The following UMODL1 variants were observed in gnomAD, a reference collection of about 807,000 sequenced individuals.
UMODL1 encodes the protein uromodulin like 1, also known as uromodulin-like 1.
A neutral mutation model predicts 136.3 loss-of-function variants in UMODL1; 128 were observed. The observed-to-expected ratio is 0.94, with a 90% CI of 0.81 to 1.09. The LOEUF (loss-of-function observed/expected upper bound fraction) is 1.09, where lower values mean the gene tolerates loss of function less well. Among genes scored for constraint, UMODL1 ranks in the 50% least tolerant of loss-of-function variants. The probability of loss-of-function intolerance (pLI) is 0.00; values close to 1 mark genes in which losing one functional copy is unlikely to be tolerated. For synonymous variants in UMODL1, 721 were observed against 720.0 expected (o/e 1.00, Z -0.02); for missense variants, 1,766 against 1,725.6 (o/e 1.02, Z -0.41).
In UMODL1 at chr21:42,099,187, C is replaced by T. The variant is rs914402621; in HGVS notation, c.1186+7C>T. ...ACGCTGACCATCAAAACCAGTAAGG[C>T]CCCCAGTCAGAGACCCACGTTAGCT... On this transcript the variant is annotated splice_region_variant and intron_variant, in intron 7 of 22. Coordinates refer to ENST00000408910, the MANE Select transcript of UMODL1 (RefSeq NM_001004416.3). This position sits in a 1 kb window ranked among gnomAD's most constrained non-coding sequence, Gnocchi z 4.1. 6.2e-7 allele frequency: 1 copy of T among 1,609,274 alleles called. No individual in the cohort carries two copies. The highest frequency in any genetic ancestry group is 8.5e-7 in the Non-Finnish European group (1 of 1,177,456).
intron 10 of UMODL1, 85 bp from the exon 11 acceptor site, chr21:42,110,795 G>A: frequency 7.5e-7 from 1 of 1,334,622 alleles, no homozygotes. Context: ...GAGCAGTCCT[G>A]CTGGACGGCC....
At position 42,083,963 on chromosome 21, in the gene UMODL1, G is replaced by A. The variant is rs768407158; in HGVS notation, c.320-121G>A. 1.5e-5 allele frequency: 19 copies of A among 1,283,884 alleles called. No individual in the cohort carries two copies. In the Admixed American group the frequency reaches 2.6e-4, roughly 18 times the overall value. 79.5% of individuals were successfully genotyped at this position (1,283,884 alleles called of 1,614,324 possible). ...CTGCCCAGGCATGGGGATGGGCCCC[G>A]AACAGGCCACAGACCTACAGGCAGA... On this transcript the variant is annotated intron_variant, in intron 2 of 22. Coordinates refer to ENST00000408910, the MANE Select transcript of UMODL1 (RefSeq NM_001004416.3).
chr21:42,141,945 A>C (rs979074744), intron 22 of UMODL1, among the ~76,000 whole-genome samples, 151 bp from the exon 23 acceptor site: 2 of 152,138 alleles, frequency 1.3e-5, no homozygotes, highest in African/African-American at 2.4e-5. Context: ...CTGCCTTTTC[A>C]TTAGGGGCTT....
Position 42,109,712 on chromosome 21 carries a change from C to T in UMODL1, c.1657+13C>T. 1 of 1,598,712 alleles carries T rather than the reference C, an allele frequency of 6.3e-7. No homozygotes were observed. Among genetic ancestry groups the T allele is most frequent in the Non-Finnish European group, 8.5e-7 (1 of 1,179,212 alleles). On this transcript the variant is annotated intron_variant, in intron 10 of 22. Transcript: ENST00000408910. ...CGGGCCTGTGAGGGTACGTGTCGACCCCCCTGCCGACTCTGGGAAGACCCC... is the reference window on the plus strand; with the variant it reads ...CGGGCCTGTGAGGGTACGTGTCGACTCCCCTGCCGACTCTGGGAAGACCCC...
At chr21:42,109,430 G>GC (rs2066782837) in intron 9 of UMODL1, 132 bp from the exon 10 acceptor site, 15 of 1,178,846 alleles carry the variant, frequency 1.3e-5, no homozygotes, top group Non-Finnish European at 1.8e-5. Flanking sequence ...TTGGACGGAT[G>GC]CCCCAAAATG....
intron 13 of UMODL1, among the ~76,000 whole-genome samples, chr21:42,114,198 CT>C (rs1414529000): frequency 6.6e-6 from 1 of 152,224 alleles, no homozygotes; most frequent in African/African-American, 2.4e-5. Flanking sequence ...CTACAGAGGA[CT>C]TGGCTTTCAG....
chr21:42,112,914 A>G (rs878892285), intron 12 of UMODL1: 2 of 152,630 alleles, frequency 1.3e-5, no homozygotes, highest in South Asian at 4.1e-4. Context: ...TAGAAGATTT[A>G]GCCATCACCA....
intron 21 of UMODL1, among the ~76,000 whole-genome samples, chr21:42,132,004 G>A (rs2067140230): frequency 6.6e-6 from 1 of 152,236 alleles, no homozygotes; most frequent in Non-Finnish European, 1.5e-5. Context: ...CATAGGGAAT[G>A]TCATGACTAG....
chr21:42,108,967 CAT>C (rs2066771371), intron 9 of UMODL1, among the ~76,000 whole-genome samples: 2 of 67,526 alleles, frequency 3.0e-5, no homozygotes, highest in South Asian at 6.1e-4. Context: ...CCACTCCTGG[CAT>C]GTAAAGCTGG....
At chr21:42,132,133 A>G (rs1304015416) in intron 21 of UMODL1, among the ~76,000 whole-genome samples, 1 of 151,906 alleles carries the variant, frequency 6.6e-6, no homozygotes, top group East Asian at 1.9e-4. Flanking sequence ...CTTTCCATCT[A>G]TCATTTTTCC....
chr21:42,126,563 G>A (rs2067058545), intron 18 of UMODL1, 73 bp downstream of exon 18: 1 of 1,601,870 alleles, frequency 6.2e-7, no homozygotes, highest in Non-Finnish European at 8.5e-7. Context: ...AGTTCTTTAG[G>A]GTGTCAACCA....
chr21:42,090,172 G>A, intron 5 of UMODL1, 126 bp from the exon 6 acceptor site: 2 of 1,308,934 alleles, frequency 1.5e-6, no homozygotes, highest in Non-Finnish European at 2.1e-6. Context: ...ACTGCCCAAG[G>A]CACCCCTCAA....
At chr21:42,107,334 G>A (rs1330841673) in intron 9 of UMODL1, among the ~76,000 whole-genome samples, 1 of 152,188 alleles carries the variant, frequency 6.6e-6, no homozygotes, top group African/African-American at 2.4e-5. Flanking sequence ...CTGGGGCTCT[G>A]GAATCAACGC....
At chr21:42,105,618 TACGAG>T (rs2066703993) in intron 9 of UMODL1, among the ~76,000 whole-genome samples, 1 of 152,210 alleles carries the variant, frequency 6.6e-6, no homozygotes, top group Non-Finnish European at 1.5e-5. Context: ...AGTGTTCTTA[TACGAG>T]ACAAGAGGAG....
rs547339584 is a variant in UMODL1, at chr21:42,117,180, A to G, written c.2475+1195A>G. On this transcript the variant is annotated intron_variant, in intron 14 of 22. Coordinates refer to ENST00000408910, the MANE Select transcript of UMODL1 (RefSeq NM_001004416.3). The stretch of plus-strand genomic sequence containing the variant: ...TAGATTTGCCCATTGTGGACATTTC[A>G]CAGAAACAGAATCATACAATATGTG... Among the ~76,000 whole-genome samples the G allele has an allele frequency of 3.3e-5, 5 of 152,272 alleles. No homozygotes were observed. In the East Asian group the frequency reaches 9.7e-4, roughly 29 times the overall value.
intron 9 of UMODL1, among the ~76,000 whole-genome samples, chr21:42,107,598 G>C (rs1462248557): frequency 6.6e-6 from 1 of 152,206 alleles, no homozygotes; most frequent in Non-Finnish European, 1.5e-5. Flanking sequence ...ATTTGCGGTG[G>C]CATTAGGATG....
chr21:42,095,709 G>A (rs550603156), intron 6 of UMODL1, among the ~76,000 whole-genome samples: 4 of 152,278 alleles, frequency 2.6e-5, no homozygotes, highest in African/African-American at 9.6e-5. Flanking sequence ...TAGTAGTAAG[G>A]CAAGTGAACT....
At chr21:42,127,897 C>T in intron 20 of UMODL1, 66 bp downstream of exon 20, 2 of 1,601,088 alleles carry the variant, frequency 1.2e-6, no homozygotes, top group Non-Finnish European at 1.7e-6. Flanking sequence ...CGGTTCGAGG[C>T]TCTGTTAATA....
At chr21:42,140,185 G>A (rs56326363) in intron 22 of UMODL1, among the ~76,000 whole-genome samples, 28,054 of 152,140 alleles carry the variant, frequency 0.18, 2,654 homozygotes, top group South Asian at 0.3. Context: ...CCTGCCCGAC[G>A]AAGAGGGGGT....
Sources: allele counts gnomAD v4.1 joint callset (sites outside exome capture counted in the v4.1 genomes callset), GRCh38; gene constraint gnomAD v4.1.1; non-coding constraint Gnocchi (gnomAD v3.1); transcripts MANE v1.5; gene names NCBI Gene and HGNC (gene_info 2026-07-23, HGNC 2026-07-21).